The following MACROD2 variants were observed in gnomAD, a reference collection of about 807,000 sequenced individuals.
MACROD2 encodes the protein ADP-ribose glycohydrolase MACROD2.
MACROD2 carries 36 observed loss-of-function variants against 70.4 expected under a neutral mutation model. That is an observed-to-expected ratio of 0.51 (90% CI 0.39 to 0.68). MACROD2 has a LOEUF of 0.68. Among genes scored for constraint, MACROD2 ranks in the 30% least tolerant of loss-of-function variants. MACROD2 has a pLI of 0.00. For synonymous variants in MACROD2, 172 were observed against 178.8 expected (o/e 0.96, Z 0.30); for missense variants, 496 against 538.4 (o/e 0.92, Z 0.78).
At chr20:15,323,482 C>A (rs1006983868) in intron 6 of MACROD2, among the ~76,000 whole-genome samples, 8 of 152,030 alleles carry the variant, frequency 5.3e-5, no homozygotes, top group African/African-American at 9.7e-5. Flanking sequence ...GAGAAAAAAA[C>A]CCCATAAGGA....
intron 3 of MACROD2, among the ~76,000 whole-genome samples, chr20:14,291,537 T>C (rs1167168085): frequency 6.6e-6 from 1 of 151,940 alleles, no homozygotes; most frequent in African/African-American, 2.4e-5. Context: ...ATGAGAGTGA[T>C]ATGAGTTTGC....
chr20:15,451,041 A>T (rs534952436), intron 7 of MACROD2, among the ~76,000 whole-genome samples: 47 of 152,290 alleles, frequency 3.1e-4, no homozygotes, highest in African/African-American at 1.1e-3. Context: ...TTAAAATTTT[A>T]AAAAGGTCGT....
Position 16,003,078 on chromosome 20 carries a change from CCACCCACACACACACACACACA to C in MACROD2, c.1153+15924_1153+15945del, listed in dbSNP as rs1349066999. Among the ~76,000 whole-genome samples, 8 of 129,990 alleles carry C rather than the reference CCACCCACACACACACACACACA, an allele frequency of 6.2e-5. No homozygotes were observed. In the East Asian group the frequency reaches 6.9e-4, roughly 11 times the overall value. 85.3% of individuals were successfully genotyped at this position (129,990 alleles called of 152,430 possible). On this transcript the variant is annotated intron_variant, in intron 15 of 17. Coordinates refer to ENST00000684519, the MANE Select transcript of MACROD2 (RefSeq NM_001351661.2). ...AAAACAAAATAGAAAACCCACCCAC[CCACCCACACACACACACACACA>C]CACACACACACACACACACACAAAC...
intron 6 of MACROD2, among the ~76,000 whole-genome samples, chr20:15,276,908 GC>G (rs2077398592): frequency 6.6e-6 from 1 of 152,158 alleles, no homozygotes; most frequent in South Asian, 2.1e-4. Flanking sequence ...ATTTATCTTG[GC>G]TTTAACAAAC....
chr20:14,008,527 AAAATGGTCATACTGCCCAAAGC>A (rs1238676571), intron 2 of MACROD2, among the ~76,000 whole-genome samples: 12 of 152,316 alleles, frequency 7.9e-5, no homozygotes, highest in African/African-American at 2.6e-4. Context: ...CAATATTACA[AAAATGGTCATACTGCCCAAAGC>A]AGGGTATAGA....
chr20:15,856,293 A>T (rs934715834), intron 8 of MACROD2, among the ~76,000 whole-genome samples: 1 of 152,218 alleles, frequency 6.6e-6, no homozygotes, highest in Non-Finnish European at 1.5e-5. Context: ...GAAACGATTA[A>T]GCACTCTATA....
chr20:14,727,888 T>C (rs1197701548), intron 5 of MACROD2, among the ~76,000 whole-genome samples: 1 of 152,198 alleles, frequency 6.6e-6, no homozygotes, highest in African/African-American at 2.4e-5. Flanking sequence ...CTGGCTACTT[T>C]ATATTAGTGA....
At chr20:15,357,109 G>GT (rs548152436) in intron 6 of MACROD2, among the ~76,000 whole-genome samples, 15 of 151,176 alleles carry the variant, frequency 9.9e-5, no homozygotes, top group East Asian at 7.8e-4. Flanking sequence ...TCATCAAAGA[G>GT]TAAAAAAAAA....
At chr20:16,029,972 T>G (rs2067130853) in intron 15 of MACROD2, among the ~76,000 whole-genome samples, 1 of 152,104 alleles carries the variant, frequency 6.6e-6, no homozygotes, top group South Asian at 2.1e-4. Flanking sequence ...AGGCCCCAGG[T>G]GATGCTTCCT....
rs935524560 is a variant in MACROD2 at position 14,684,907 on chromosome 20, C to T, written c.366C>T (p.Gly122=). Residue 122 remains glycine, a synonymous_variant, in exon 5 of 18, where the codon GGC becomes GGT. Coordinates refer to ENST00000684519, the MANE Select transcript of MACROD2 (RefSeq NM_001351661.2). ...CLLAECRNLN[G]CDTGHAKITC... ...TAGCTGAATGTCGTAACCTGAATGGCTGTGATACTGGACATGCAAAAATCA... is the reference window on the plus strand; with the variant it reads ...TAGCTGAATGTCGTAACCTGAATGGTTGTGATACTGGACATGCAAAAATCA... The T allele has an allele frequency of 6.2e-7, 1 of 1,613,896 alleles. No homozygotes were observed. The highest frequency in any genetic ancestry group is 1.3e-5 in the African/African-American group (1 of 74,888).
At chr20:14,103,127 A>G (rs575746123) in intron 3 of MACROD2, among the ~76,000 whole-genome samples, 142 of 152,284 alleles carry the variant, frequency 9.3e-4, no homozygotes, top group Admixed American at 2.5e-3. Flanking sequence ...TGTGCAGTCA[A>G]ACTAAACATT....
At chr20:14,215,142 ATTCCATCATATATG>A (rs1569209639) in intron 3 of MACROD2, among the ~76,000 whole-genome samples, 5 of 143,696 alleles carry the variant, frequency 3.5e-5, no homozygotes, top group African/African-American at 1.4e-4. Context: ...ATATATATAT[ATTCCATCATATATG>A]TTCCATCATA....
intron 6 of MACROD2, among the ~76,000 whole-genome samples, chr20:15,398,763 T>C (rs1317519594): frequency 6.6e-6 from 1 of 152,216 alleles, no homozygotes; most frequent in African/African-American, 2.4e-5. Flanking sequence ...AGCACAACTG[T>C]GTTCAAGCCA....
At chr20:15,311,791 G>C (rs972912949) in intron 6 of MACROD2, among the ~76,000 whole-genome samples, 6 of 152,116 alleles carry the variant, frequency 3.9e-5, no homozygotes, top group Admixed American at 3.9e-4. Flanking sequence ...AGAGTGGGGA[G>C]GGAAAGGGGG....
intron 5 of MACROD2, among the ~76,000 whole-genome samples, chr20:14,710,749 C>T (rs1363881078): frequency 6.6e-6 from 1 of 152,088 alleles, no homozygotes; most frequent in Admixed American, 6.5e-5. Context: ...TTCATTTTTA[C>T]TTCCTTTACC....
intron 3 of MACROD2, among the ~76,000 whole-genome samples, chr20:14,179,515 A>G (rs541559136): frequency 6.6e-6 from 1 of 152,236 alleles, no homozygotes; most frequent in Non-Finnish European, 1.5e-5. Context: ...CCATTCTCCA[A>G]TTTGCCATTG....
chr20:14,150,503 G>T (rs999304649), intron 3 of MACROD2, among the ~76,000 whole-genome samples: 1 of 152,164 alleles, frequency 6.6e-6, no homozygotes, highest in African/African-American at 2.4e-5. Flanking sequence ...TCTTCTAAAT[G>T]CAAGCAGTAC....
intron 8 of MACROD2, among the ~76,000 whole-genome samples, chr20:15,670,541 G>A (rs1194909005): frequency 6.6e-6 from 1 of 152,134 alleles, no homozygotes; most frequent in Non-Finnish European, 1.5e-5. Context: ...TGTTGCTGTG[G>A]CATATCTTCA....
At chr20:14,938,491 C>T (rs6074820) in intron 5 of MACROD2, among the ~76,000 whole-genome samples, 3 of 152,000 alleles carry the variant, frequency 2.0e-5, no homozygotes, top group African/African-American at 7.2e-5. Flanking sequence ...TGAATAAAAC[C>T]TAAACCAGGC....
Sources: gnomAD v4.1 joint callset for allele counts (sites outside exome capture counted in the v4.1 genomes callset) on GRCh38, gnomAD v4.1.1 for gene constraint, MANE v1.5 for transcripts, NCBI Gene and HGNC (gene_info 2026-07-23, HGNC 2026-07-21) for gene names.